TAF3: variants seen among roughly 807,000 people sequenced by gnomAD.
The protein encoded by TAF3 is TATA-box binding protein associated factor 3, also known as transcription initiation factor TFIID subunit 3.
In TAF3, 7 loss-of-function variants were observed where a neutral mutation model predicts 80.6. That is an observed-to-expected ratio of 0.09 (90% confidence interval 0.05 to 0.16). TAF3 has a LOEUF of 0.16. Ranked by LOEUF, TAF3 falls within the 10% of genes least tolerant of loss-of-function variation. The pLI, the probability that TAF3 is intolerant of heterozygous loss-of-function variation, is 1.00. For synonymous variants in TAF3, 444 were observed against 446.1 expected (o/e 1.00, Z 0.06); for missense variants, 921 against 1,140.2 (o/e 0.81, Z 2.77).
intron 2 of TAF3, among the ~76,000 whole-genome samples, chr10:7,849,675 C>CT (rs536706388): frequency 0.054 from 7,867 of 145,074 alleles, 342 homozygotes; most frequent in South Asian, 0.13. Context: ...TTCATGCGAA[C>CT]TTTTTTTTTT....
At chr10:7,878,571 A>G (rs1279413097) in intron 2 of TAF3, among the ~76,000 whole-genome samples, 1 of 152,156 alleles carries the variant, frequency 6.6e-6, no homozygotes, top group African/African-American at 2.4e-5. Flanking sequence ...TGTGTTTATT[A>G]TACTTTAACA....
At chr10:7,930,931 C>T (rs76143292) in intron 2 of TAF3, among the ~76,000 whole-genome samples, 1 of 151,894 alleles carries the variant, frequency 6.6e-6, no homozygotes. Flanking sequence ...CTTTATAAGT[C>T]CCACAAGTTT....
chr10:7,823,911 G>A (rs1417492118), intron 1 of TAF3, among the ~76,000 whole-genome samples: 2 of 150,920 alleles, frequency 1.3e-5, no homozygotes, highest in Admixed American at 6.6e-5. Flanking sequence ...GATTACAGGC[G>A]TGAGCCATCG....
In TAF3 at chr10:7,965,402, A is replaced by G. The variant is rs1360843630; in HGVS notation, c.1892A>G (p.Asp631Gly). 3.1e-6 allele frequency: 5 copies of G among 1,613,052 alleles called. No individual in the cohort carries two copies. The highest frequency in any genetic ancestry group is 3.4e-6 in the Non-Finnish European group (4 of 1,179,802). Residue 631 changes from aspartate to glycine, a missense_variant, in exon 3 of 7, where the codon GAT becomes GGT. Transcript: ENST00000344293. ...AGAGAGAAAGGCAAGAAAGATAAAG[A>G]TAAGAGAGAGAAAGAAAAAGTGAAA... The part of the protein sequence containing the change: ...KDREKGKKDK[D>G]KREKEKVKDK...
intron 2 of TAF3, among the ~76,000 whole-genome samples, chr10:7,843,258 C>T (rs1836936021): frequency 6.6e-6 from 1 of 152,090 alleles, no homozygotes; most frequent in Non-Finnish European, 1.5e-5. Context: ...CCAGCTTGCA[C>T]CACCATGCCC....
chr10:7,895,199 A>G (rs764760643), intron 2 of TAF3, among the ~76,000 whole-genome samples: 24 of 152,180 alleles, frequency 1.6e-4, no homozygotes, highest in Non-Finnish European at 3.1e-4. Flanking sequence ...TGGTAACTTG[A>G]TAACAGCTTT....
chr10:7,818,652 T>G lies in TAF3; in HGVS notation c.-58T>G. ...ATGAATCGGGGACCCTGCTAAGGTC[T>G]GGCGGCGGGGCTGGAGAGCAGTGGC... is the stretch of plus-strand genomic sequence containing the variant. On this transcript the variant is annotated 5_prime_UTR_variant, in exon 1 of 7. Coordinates refer to ENST00000344293, the MANE Select transcript of TAF3 (RefSeq NM_031923.4). The G allele has an allele frequency of 1.3e-6, 2 of 1,569,518 alleles. No individual in the cohort carries two copies. Among genetic ancestry groups the G allele is most frequent in the Non-Finnish European group, 8.6e-7 (1 of 1,162,566 alleles).
chr10:7,825,710 T>G (rs12766242), intron 2 of TAF3, among the ~76,000 whole-genome samples: 4 of 152,240 alleles, frequency 2.6e-5, no homozygotes, highest in Admixed American at 1.3e-4. Flanking sequence ...GAATAATATA[T>G]GTACATTCCA....
At position 7,982,509 on chromosome 10, in the gene TAF3, C is replaced by T. The variant is rs1054720147; in HGVS notation, c.2315+5186C>T. The stretch of plus-strand genomic sequence containing the variant: ...CACCTCCCGGGTTCAAGTGATTCTC[C>T]GGCCTAAGCCTCCCAGGTAGCTAGG... On this transcript the variant is annotated intron_variant, in intron 4 of 6. Coordinates refer to ENST00000344293, the MANE Select transcript of TAF3 (RefSeq NM_031923.4). Among the ~76,000 whole-genome samples, 8 of 152,298 alleles carry T rather than the reference C, an allele frequency of 5.3e-5. No individual in the cohort carries two copies. In the East Asian group the frequency reaches 5.8e-4, roughly 11 times the overall value.
At chr10:7,852,164 A>G (rs1837033261) in intron 2 of TAF3, among the ~76,000 whole-genome samples, 1 of 152,126 alleles carries the variant, frequency 6.6e-6, no homozygotes, top group Non-Finnish European at 1.5e-5. Context: ...AGCTCACTGC[A>G]GCCTCGAATT....
intron 3 of TAF3, among the ~76,000 whole-genome samples, chr10:7,970,712 A>G (rs958613532): frequency 6.6e-6 from 1 of 152,250 alleles, no homozygotes; most frequent in African/African-American, 2.4e-5. Flanking sequence ...TGACTTTAGC[A>G]ATCAGAACAA....
At chr10:7,856,028 T>C (rs1172174493) in intron 2 of TAF3, among the ~76,000 whole-genome samples, 1 of 151,844 alleles carries the variant, frequency 6.6e-6, no homozygotes, top group Non-Finnish European at 1.5e-5. Context: ...AGGGTGCTAT[T>C]TTAAAGGAGG....
chr10:7,908,957 G>A (rs1387847822), intron 2 of TAF3, among the ~76,000 whole-genome samples: 1 of 152,238 alleles, frequency 6.6e-6, no homozygotes, highest in African/African-American at 2.4e-5. Context: ...CAAGTTCCCA[G>A]GTGATGCTGC....
chr10:7,906,836 G>A (rs1364153237), intron 2 of TAF3, among the ~76,000 whole-genome samples: 1 of 150,948 alleles, frequency 6.6e-6, no homozygotes, highest in East Asian at 2.0e-4. Context: ...TCCTGCCTTG[G>A]CCTCCCGAGA....
At chr10:7,969,882 G>T (rs559515120) in intron 3 of TAF3, among the ~76,000 whole-genome samples, 1 of 152,156 alleles carries the variant, frequency 6.6e-6, no homozygotes, top group Non-Finnish European at 1.5e-5. Flanking sequence ...TCCCATCCTC[G>T]CAGACCCTCT....
intron 2 of TAF3, among the ~76,000 whole-genome samples, chr10:7,943,379 G>A (rs935726195): frequency 2.6e-5 from 4 of 152,106 alleles, no homozygotes; most frequent in African/African-American, 7.2e-5. Flanking sequence ...TTTGGAGGGT[G>A]TTTTTTGTAT....
At chr10:7,958,863 G>A (rs767459751) in intron 2 of TAF3, among the ~76,000 whole-genome samples, 1 of 152,064 alleles carries the variant, frequency 6.6e-6, no homozygotes, top group South Asian at 2.1e-4. Context: ...GGCCGGGCAC[G>A]GTGGCTCACG....
Position 7,964,043 on chromosome 10 carries a change from A to G in TAF3, c.533A>G (p.Lys178Arg). The G allele has an allele frequency of 6.2e-7, 1 of 1,614,166 alleles. No homozygotes were observed. The highest frequency in any genetic ancestry group is 2.2e-5 in the East Asian group (1 of 44,880). Reference protein sequence around the residue: ...EIINDENFLGKRPLDSPEAEE... With the variant: ...EIINDENFLGRRPLDSPEAEE... ...ATTAATGATGAGAATTTCCTGGGCA[A>G]GAGACCACTGGATAGTCCTGAAGCT... is the stretch of plus-strand genomic sequence containing the variant. Residue 178 changes from lysine (K) to arginine (R), a missense_variant, in exon 3 of 7, where the codon AAG becomes AGG. Around this residue, in one of 6 missense-constraint regions of TAF3, gnomAD observed 743 missense variants for 821.0 expected, o/e 0.90. Transcript: ENST00000344293. This position sits in a 1 kb window ranked among gnomAD's most constrained non-coding sequence, Gnocchi z 4.1.
At position 7,964,998 on chromosome 10, in the gene TAF3, A is replaced by G. The variant is rs1343434813; in HGVS notation, c.1488A>G (p.Ser496=). Residue 496 remains serine, a synonymous_variant, in exon 3 of 7, where the codon TCA becomes TCG. Coordinates refer to ENST00000344293, the MANE Select transcript of TAF3 (RefSeq NM_031923.4). This position sits in a 1 kb window ranked among gnomAD's most constrained non-coding sequence, Gnocchi z 4.1. ...PPNFPYISSP[S]VSPPTPEPLH... is the part of the protein sequence containing the mutation. ...ACTTTCCTTATATCTCTTCTCCGTCAGTGTCTCCTCCCACTCCCGAACCTC... is the reference window on the plus strand; with the variant it reads ...ACTTTCCTTATATCTCTTCTCCGTCGGTGTCTCCTCCCACTCCCGAACCTC... The G allele has an allele frequency of 6.2e-7, 1 of 1,613,960 alleles. No individual in the cohort carries two copies. The highest frequency in any genetic ancestry group is 8.5e-7 in the Non-Finnish European group (1 of 1,180,036).
Sources: allele counts gnomAD v4.1 joint callset (sites outside exome capture counted in the v4.1 genomes callset), GRCh38; gene constraint gnomAD v4.1.1; regional missense constraint gnomAD v4.1.1; non-coding constraint Gnocchi (gnomAD v3.1); transcripts MANE v1.5; gene names NCBI Gene and HGNC (gene_info 2026-07-23, HGNC 2026-07-21).